The following CHODL variants were observed in gnomAD, a reference collection of about 807,000 sequenced individuals.
CHODL encodes the protein transmembrane protein MT75.
In CHODL, 29 loss-of-function variants were observed where a neutral mutation model predicts 34.5. That is an observed-to-expected ratio of 0.84 (90% CI 0.63 to 1.15). CHODL has a LOEUF of 1.15. Among genes scored for constraint, CHODL ranks in the 50% most tolerant of loss-of-function variants. The probability of loss-of-function intolerance (pLI) is 0.00; values close to 1 mark genes in which losing one functional copy is unlikely to be tolerated. For missense variants in CHODL, 332 were observed against 332.5 expected, an observed-to-expected ratio of 1.00 and a Z score of 0.01; for synonymous variants, 125 against 116.1, an observed-to-expected ratio of 1.08 and a Z score of -0.49.
chr21:18,232,948 T>TATATATATATATAC (rs2073995191), intron 2 of CHODL, among the ~76,000 whole-genome samples: 1 of 136,692 alleles, frequency 7.3e-6, no homozygotes, highest in Non-Finnish European at 1.5e-5. Flanking sequence ...TTATGATATA[T>TATATATATATATAC]ATATATATAT....
At chr21:18,173,529 A>C (rs545135160) in intron 2 of CHODL, among the ~76,000 whole-genome samples, 1 of 152,348 alleles carries the variant, frequency 6.6e-6, no homozygotes, top group African/African-American at 2.4e-5. Context: ...TGACAAATGT[A>C]GTCAAAATCT....
chr21:18,057,728 G>A (rs1381555703), intron 2 of CHODL, among the ~76,000 whole-genome samples: 1 of 151,836 alleles, frequency 6.6e-6, no homozygotes, highest in Non-Finnish European at 1.5e-5. Context: ...GTCTGCCGCT[G>A]TATCTCTTGT....
intron 2 of CHODL, among the ~76,000 whole-genome samples, chr21:18,208,056 T>C (rs2073732709): frequency 1.3e-5 from 2 of 152,160 alleles, no homozygotes; most frequent in South Asian, 2.1e-4. Flanking sequence ...TCTATCCCTA[T>C]CTGTTTCTCT....
chr21:18,172,928 A>G (rs1026270460), intron 2 of CHODL, among the ~76,000 whole-genome samples: 1 of 152,154 alleles, frequency 6.6e-6, no homozygotes, highest in African/African-American at 2.4e-5. Flanking sequence ...GTCCTCTCCC[A>G]AGCCCATTCA....
At chr21:18,240,578 C>T (rs918713279), upstream of CHODL, among the ~76,000 whole-genome samples, 1 of 152,110 alleles carries the variant, frequency 6.6e-6, no homozygotes. Context: ...TTAGCTTACA[C>T]ATTTTTTGTT....
chr21:18,266,265 C>T lies in CHODL; in HGVS notation c.*227C>T. On this transcript the variant is annotated 3_prime_UTR_variant, in exon 6 of 6. Coordinates refer to ENST00000299295, the MANE Select transcript of CHODL (RefSeq NM_024944.3). Reference sequence around the variant, plus strand: ...CATGCTTATTTTGCTAAAGGATGCACCCAAACTTCAAACTTCAAGCAAATG... The same window carrying T: ...CATGCTTATTTTGCTAAAGGATGCATCCAAACTTCAAACTTCAAGCAAATG... 4.3e-6 allele frequency: 6 copies of T among 1,410,830 alleles called. No individual in the cohort carries two copies. Among genetic ancestry groups the T allele is most frequent in the Non-Finnish European group, 5.6e-6 (6 of 1,065,818 alleles). 87.4% of individuals were successfully genotyped at this position (1,410,830 alleles called of 1,614,324 possible).
intron 1 of CHODL, among the ~76,000 whole-genome samples, chr21:18,250,199 T>C (rs1039625050): frequency 1.3e-5 from 2 of 152,094 alleles, no homozygotes; most frequent in Non-Finnish European, 2.9e-5. Flanking sequence ...GTACCCAAAG[T>C]TCAAGTGTAG....
chr21:18,022,732 T>C (rs182879584), intron 1 of CHODL, among the ~76,000 whole-genome samples: 27 of 152,346 alleles, frequency 1.8e-4, no homozygotes, highest in African/African-American at 6.0e-4. Context: ...TATTCTTTTG[T>C]CATGGGAATG....
At chr21:18,193,180 G>A (rs1181378837) in intron 2 of CHODL, among the ~76,000 whole-genome samples, 1 of 152,044 alleles carries the variant, frequency 6.6e-6, no homozygotes, top group African/African-American at 2.4e-5. Context: ...AAAACAGAAG[G>A]ACAAGTTGGC....
At chr21:18,080,245 G>A (rs2064925571) in intron 2 of CHODL, among the ~76,000 whole-genome samples, 1 of 151,964 alleles carries the variant, frequency 6.6e-6, no homozygotes, top group Admixed American at 6.6e-5. Context: ...CCCTTTGTTG[G>A]ACGCATAGTT....
intron 2 of CHODL, among the ~76,000 whole-genome samples, chr21:18,206,451 CT>C (rs1304672908): frequency 3.9e-5 from 6 of 152,008 alleles, no homozygotes; most frequent in African/African-American, 1.4e-4. Flanking sequence ...TTAAGTATAT[CT>C]ACTTCTGCTC....
At chr21:17,922,933 A>G (rs999440212) in intron 1 of CHODL, among the ~76,000 whole-genome samples, 1 of 152,188 alleles carries the variant, frequency 6.6e-6, no homozygotes, top group Non-Finnish European at 1.5e-5. Flanking sequence ...CAGTCAACAT[A>G]TGAAAGATGA....
chr21:18,221,321 CTT>C (rs542036961), intron 2 of CHODL, among the ~76,000 whole-genome samples: 61 of 152,172 alleles, frequency 4.0e-4, no homozygotes, highest in African/African-American at 1.4e-3. Context: ...TCTGCATTCT[CTT>C]ATATCTTGCT....
At chr21:17,961,192 C>T (rs187052175) in intron 1 of CHODL, among the ~76,000 whole-genome samples, 22 of 152,238 alleles carry the variant, frequency 1.4e-4, no homozygotes, top group African/African-American at 4.3e-4. Flanking sequence ...TCTCCCTATG[C>T]GTAAGACTTC....
intron 1 of CHODL, among the ~76,000 whole-genome samples, chr21:17,965,767 A>C (rs2146356840): frequency 6.6e-6 from 1 of 152,268 alleles, no homozygotes; most frequent in Admixed American, 6.5e-5. Flanking sequence ...AGTAAAGGGG[A>C]AAAAGAATGA....
chr21:18,202,205 T>A (rs1197690930), intron 2 of CHODL, among the ~76,000 whole-genome samples: 1 of 152,158 alleles, frequency 6.6e-6, no homozygotes, highest in Non-Finnish European at 1.5e-5. Context: ...GAAAATGAAA[T>A]GGATAGTTTC....
intron 2 of CHODL, among the ~76,000 whole-genome samples, chr21:18,217,735 C>G (rs1414086094): frequency 6.6e-6 from 1 of 152,134 alleles, no homozygotes; most frequent in African/African-American, 2.4e-5. Flanking sequence ...TGAGACAAGT[C>G]AAGTCCCTTT....
intron 2 of CHODL, among the ~76,000 whole-genome samples, chr21:18,237,906 A>T (rs911104484): frequency 1.3e-5 from 2 of 152,162 alleles, no homozygotes; most frequent in Non-Finnish European, 2.9e-5. Context: ...GAGATGGACA[A>T]ACATTAAATA....
chr21:18,054,665 A>G (rs1382133522), intron 2 of CHODL, among the ~76,000 whole-genome samples: 1 of 151,944 alleles, frequency 6.6e-6, no homozygotes, highest in African/African-American at 2.4e-5. Flanking sequence ...GACAGGAGGA[A>G]TATGTTTTTG....
Sources: gnomAD v4.1 joint callset for allele counts (sites outside exome capture counted in the v4.1 genomes callset) on GRCh38, gnomAD v4.1.1 for gene constraint, MANE v1.5 for transcripts, NCBI Gene and HGNC (gene_info 2026-07-23, HGNC 2026-07-21) for gene names.